The following PARVB variants were observed in gnomAD, a reference collection of about 807,000 sequenced individuals.
PARVB encodes parvin beta, also known as beta-parvin.
A neutral mutation model predicts 47.0 loss-of-function variants in PARVB; 46 were observed. The ratio of observed to expected loss-of-function variants is 0.98; its 90% CI spans 0.77 to 1.25. The LOEUF (loss-of-function observed/expected upper bound fraction) is 1.25, where lower values mean the gene tolerates loss of function less well. Ranked by LOEUF, PARVB falls within the 50% of genes most tolerant of loss-of-function variation. PARVB has a pLI of 0.00. For missense variants in PARVB, 473 were observed against 471.6 expected (o/e 1.00, Z -0.03); for synonymous variants, 196 against 196.3 (o/e 1.00, Z 0.01).
At chr22:44,122,554 CACAG>C (rs2053085836) in intron 4 of PARVB, among the ~76,000 whole-genome samples, 2 of 54,024 alleles carry the variant, frequency 3.7e-5, no homozygotes, top group Admixed American at 2.1e-4. Context: ...GAGAGAGAGA[CACAG>C]AGACAGAGAG....
At chr22:44,063,163 A>G (rs2051451273) in intron 1 of PARVB, among the ~76,000 whole-genome samples, 1 of 152,210 alleles carries the variant, frequency 6.6e-6, no homozygotes. Context: ...CCTGGAAATT[A>G]CAAGGTTCTT....
intron 2 of PARVB, 25 bp from the exon 3 acceptor site, chr22:44,100,028 C>A: frequency 6.2e-7 from 1 of 1,606,496 alleles, no homozygotes; most frequent in Non-Finnish European, 8.5e-7. Context: ...AATCGCTGAC[C>A]GTGACTTCCT....
chr22:44,155,800 G>T lies in PARVB; in HGVS notation c.844-2182G>T, dbSNP rs1356328773. Among the ~76,000 whole-genome samples, 1 of 152,150 alleles carries T rather than the reference G, an allele frequency of 6.6e-6. No individual in the cohort carries two copies. Among genetic ancestry groups the T allele is most frequent in the African/African-American group, 2.4e-5 (1 of 41,434 alleles). ...GATAGGAGTGGCTGGCTGCTTTGTGGTGTGGAAGGCTGAGGGCATGTGACA... is the reference window on the plus strand; with the variant it reads ...GATAGGAGTGGCTGGCTGCTTTGTGTTGTGGAAGGCTGAGGGCATGTGACA... On this transcript the variant is annotated intron_variant, in intron 10 of 12. Transcript: ENST00000338758. This position sits in a 1 kb window ranked among gnomAD's most constrained non-coding sequence, Gnocchi z 4.8.
chr22:44,020,176 CTTTT>C (rs60438723), upstream of PARVB, among the ~76,000 whole-genome samples: 6 of 136,162 alleles, frequency 4.4e-5, no homozygotes, highest in Admixed American at 2.2e-4. Flanking sequence ...ACAGTCACCA[CTTTT>C]TTTTTTTTTT....
intron 1 of PARVB, among the ~76,000 whole-genome samples, chr22:44,056,047 G>A (rs1322000673): frequency 1.3e-5 from 2 of 152,204 alleles, no homozygotes; most frequent in Non-Finnish European, 2.9e-5. Flanking sequence ...TGCCCCACTT[G>A]CTTGTCTTTC....
intron 10 of PARVB, among the ~76,000 whole-genome samples, chr22:44,154,548 T>A (rs1419102182): frequency 6.7e-6 from 1 of 149,550 alleles, no homozygotes; most frequent in Non-Finnish European, 1.5e-5. Flanking sequence ...TGTGTGTGTG[T>A]GTGTGTGTGG....
chr22:44,103,246 A>G lies in PARVB; in HGVS notation c.273+3123A>G, dbSNP rs1467498984. ...GCATCCTTTGGGGCAAAGTACAACT[A>G]TGGGGCAAAATACAACTAAGAACAG... On this transcript the variant is annotated intron_variant, in intron 3 of 12. Transcript: ENST00000338758. This position sits in a 1 kb window ranked among gnomAD's most constrained non-coding sequence, Gnocchi z 4.6. 1.3e-5 allele frequency: 2 copies of G among 152,216 alleles called. No homozygotes were observed. The highest frequency in any genetic ancestry group is 1.9e-4 in the East Asian group (1 of 5,184). 9.4% of individuals were successfully genotyped at this position (152,216 alleles called of 1,614,324 possible). A position where few individuals can be genotyped will look rare whatever the true frequency, so the allele number is the denominator to read the frequency against.
chr22:44,136,310 G>GC (rs2053439500), intron 6 of PARVB, 150 bp from the exon 7 acceptor site: 1 of 718,048 alleles, frequency 1.4e-6, no homozygotes, highest in East Asian at 2.7e-5. Flanking sequence ...TACTCACCCA[G>GC]GCCTGGCATG....
intron 1 of PARVB, among the ~76,000 whole-genome samples, chr22:44,067,324 G>A (rs564601008): frequency 6.6e-6 from 1 of 152,362 alleles, no homozygotes; most frequent in East Asian, 1.9e-4. Flanking sequence ...TGACTACTAG[G>A]CTGCTGATCC....
intron 2 of PARVB, among the ~76,000 whole-genome samples, chr22:44,016,706 C>T (rs1159039607): frequency 6.6e-6 from 1 of 152,114 alleles, no homozygotes; most frequent in Non-Finnish European, 1.5e-5. Flanking sequence ...CCTGGGGCTG[C>T]TGAATAAACT....
chr22:44,106,816 A>T (rs1252844602), intron 3 of PARVB: 1 of 152,134 alleles, frequency 6.6e-6, no homozygotes, highest in East Asian at 1.9e-4. Flanking sequence ...AAAAAAAAAA[A>T]AAATCCTTAG....
At chr22:44,079,394 T>C (rs2051848838) in intron 1 of PARVB, among the ~76,000 whole-genome samples, 1 of 152,198 alleles carries the variant, frequency 6.6e-6, no homozygotes, top group Non-Finnish European at 1.5e-5. Context: ...CACGTGTTCT[T>C]GGGGACAAAG....
At chr22:44,013,822 A>G (rs1406298082) in intron 2 of PARVB, among the ~76,000 whole-genome samples, 1 of 152,116 alleles carries the variant, frequency 6.6e-6, no homozygotes, top group Non-Finnish European at 1.5e-5. Context: ...TGGTAGAGAC[A>G]GGGTTTCGCC....
intron 1 of PARVB, among the ~76,000 whole-genome samples, chr22:44,031,174 C>T (rs2050819714): frequency 6.6e-6 from 1 of 152,190 alleles, no homozygotes; most frequent in South Asian, 2.1e-4. Flanking sequence ...AGGAAAGGCA[C>T]AGTGAGGTCA....
chr22:44,124,240 T>C (rs1003471721), intron 4 of PARVB, among the ~76,000 whole-genome samples: 2 of 152,240 alleles, frequency 1.3e-5, no homozygotes, highest in Admixed American at 6.5e-5. Context: ...CTGAACAATC[T>C]TTCAGTTCTC....
chr22:44,070,724 G>A (rs1206031451), intron 1 of PARVB, among the ~76,000 whole-genome samples: 6 of 152,208 alleles, frequency 3.9e-5, no homozygotes, highest in East Asian at 1.9e-4. Context: ...AGGTGATTGC[G>A]CACAGAGTGC....
chr22:44,072,405 G>A (rs1296021923), intron 1 of PARVB, among the ~76,000 whole-genome samples: 2 of 152,014 alleles, frequency 1.3e-5, no homozygotes, highest in African/African-American at 4.8e-5. Flanking sequence ...AGGAAGAGCC[G>A]ACAGTTTGCC....
chr22:44,038,815 C>T (rs2050967117), intron 1 of PARVB, among the ~76,000 whole-genome samples: 1 of 152,056 alleles, frequency 6.6e-6, no homozygotes, highest in African/African-American at 2.4e-5. Flanking sequence ...AAAAGCTGGA[C>T]CTGGTCAAGC....
intron 7 of PARVB, chr22:44,139,050 C>T (rs2053497568): frequency 1.3e-5 from 2 of 152,210 alleles, no homozygotes; most frequent in Non-Finnish European, 2.9e-5. Flanking sequence ...AGCTGCTCAC[C>T]ACTCCCGTCT....
Sources: gnomAD v4.1 joint callset for allele counts (sites outside exome capture counted in the v4.1 genomes callset) on GRCh38, gnomAD v4.1.1 for gene constraint, Gnocchi (gnomAD v3.1) non-coding constraint, MANE v1.5 for transcripts, NCBI Gene and HGNC (gene_info 2026-07-23, HGNC 2026-07-21) for gene names.